ANKRD36B: variants seen among roughly 807,000 people sequenced by gnomAD.
The protein encoded by ANKRD36B is ankyrin repeat domain-containing protein 36B.
Under a neutral mutation model 135.7 loss-of-function variants are expected in ANKRD36B, and 37 were observed. The ratio of observed to expected loss-of-function variants is 0.27; its 90% CI spans 0.21 to 0.36. ANKRD36B has a LOEUF of 0.36. Among genes scored for constraint, ANKRD36B ranks in the 10% least tolerant of loss-of-function variants. The pLI is 1.00. For missense variants in ANKRD36B, 549 were observed against 1,037.1 expected (o/e 0.53, Z 6.46); for synonymous variants, 179 against 348.1 (o/e 0.51, Z 5.41).
chr2:97,561,724 G>T (rs3970396), intron 6 of ANKRD36B, among the ~76,000 whole-genome samples: 9 of 151,340 alleles, frequency 5.9e-5, no homozygotes, highest in South Asian at 2.1e-4. Flanking sequence ...TCTGGTTAAA[G>T]TATCATGTTA....
rs112628069 is a variant in ANKRD36B at position 97,526,591 on chromosome 2, T to A, written c.2266-3124A>T. 3.1e-5 allele frequency among the ~76,000 whole-genome samples: 3 copies of A among 96,872 alleles called. 1 individual carries two copies. The highest frequency in any genetic ancestry group is 8.3e-5 in the Non-Finnish European group (3 of 36,280). 63.6% of individuals were successfully genotyped at this position (96,872 alleles called of 152,430 possible). A position where few individuals can be genotyped will look rare whatever the true frequency, so the allele number is the denominator to read the frequency against. ...CAAGTTGAGAGAAGAAGGCTTCAGA[T>A]GATCAAACTACTCTGAGCTACAGGA... is the stretch of plus-strand genomic sequence containing the variant. On this transcript the variant is annotated intron_variant, in intron 35 of 43. Coordinates refer to ENST00000359901, the MANE Select transcript of ANKRD36B (RefSeq NM_001393939.1).
At chr2:97,558,774 C>T (rs775989985) in intron 10 of ANKRD36B, 25 bp downstream of exon 10, 12 of 1,610,368 alleles carry the variant, frequency 7.5e-6, no homozygotes, top group East Asian at 2.2e-5. Flanking sequence ...CTGAACATGA[C>T]ATTAAATGTG....
chr2:97,547,336 G>T (rs2079562292), intron 22 of ANKRD36B, 200 bp downstream of exon 22: 3 of 591,218 alleles, frequency 5.1e-6, no homozygotes, highest in Admixed American at 3.4e-5. Flanking sequence ...TCAATGTGGG[G>T]AAGTGTATAA....
chr2:97,574,697 A>G (rs1487957874), intron 6 of ANKRD36B, among the ~76,000 whole-genome samples: 1 of 152,198 alleles, frequency 6.6e-6, no homozygotes, highest in African/African-American at 2.4e-5. Flanking sequence ...AGGTGGTTCC[A>G]GTTACTGCTG....
At chr2:97,558,250 A>G (rs888209305) in intron 10 of ANKRD36B, among the ~76,000 whole-genome samples, 21 of 152,066 alleles carry the variant, frequency 1.4e-4, no homozygotes, top group Non-Finnish European at 2.8e-4. Flanking sequence ...AGCTTCTTTT[A>G]CAAAAATGTT....
intron 6 of ANKRD36B, among the ~76,000 whole-genome samples, chr2:97,563,582 GT>G (rs2081210123): frequency 6.6e-6 from 1 of 152,036 alleles, no homozygotes. Context: ...GATCTGAGTA[GT>G]TTAGAGTTTA....
At chr2:97,564,649 G>C (rs547983033) in intron 6 of ANKRD36B, among the ~76,000 whole-genome samples, 23 of 152,110 alleles carry the variant, frequency 1.5e-4, no homozygotes, top group East Asian at 5.8e-4. Context: ...TTTCCCCATT[G>C]CTTTTGTCAG....
At chr2:97,556,259 T>C (rs1171049210) in intron 12 of ANKRD36B, among the ~76,000 whole-genome samples, 3 of 151,932 alleles carry the variant, frequency 2.0e-5, no homozygotes, top group African/African-American at 7.2e-5. Flanking sequence ...ATATGTCTGA[T>C]GTCTGATACT....
chr2:97,558,513 A>G (rs1270660941), intron 10 of ANKRD36B, among the ~76,000 whole-genome samples: 1 of 151,904 alleles, frequency 6.6e-6, no homozygotes, highest in Non-Finnish European at 1.5e-5. Context: ...CTTGGTGAAA[A>G]CATGCTGTAG....
At position 97,556,921 on chromosome 2, in the gene ANKRD36B, T is replaced by C. The variant is rs746387383; in HGVS notation, c.1069+16A>G. On this transcript the variant is annotated intron_variant, in intron 12 of 43. Transcript: ENST00000359901. ...TCTTGAGTGCACATGACATTAAATG[T>C]GTATTGCCAAATTACCTGTTCCAGA... 5.7e-6 allele frequency: 9 copies of C among 1,576,416 alleles called. No individual in the cohort carries two copies. The highest frequency in any genetic ancestry group is 6.9e-6 in the Non-Finnish European group (8 of 1,160,812).
Position 97,582,738 on chromosome 2 carries a change from TG to T in ANKRD36B, c.451-2171del, listed in dbSNP as rs143226794. Among the ~76,000 whole-genome samples the T allele has an allele frequency of 6.6e-3, 1,007 of 152,320 alleles. 50 individuals are homozygous for T. In the East Asian group the frequency reaches 0.11, roughly 16 times the overall value. ...ATTGTATGTAAAGCAAGTATTTTCA[TG>T]TAAAATACTTCCTTTCTTTAGTTTC... On this transcript the variant is annotated intron_variant, in intron 3 of 43. Coordinates refer to ENST00000359901, the MANE Select transcript of ANKRD36B (RefSeq NM_001393939.1).
rs748321795 is a variant in ANKRD36B at position 97,558,871 on chromosome 2, C to T, written c.895G>A (p.Ala299Thr). ...VSSQKQPAEK[A>T]TSDEKDSVSN... is the part of the protein sequence containing the mutation. ...ACAGAATCTTTCTCGTCACTTGTAG[C>T]CTGAATGGGATTTGAAACAAAATAA... is the stretch of plus-strand genomic sequence containing the variant. Residue 299 changes from alanine (A) to threonine (T), a missense_variant and splice_region_variant, in exon 10 of 44, where the codon GCT becomes ACT. Coordinates refer to ENST00000359901, the MANE Select transcript of ANKRD36B (RefSeq NM_001393939.1). The T allele has an allele frequency of 1.2e-6, 2 of 1,611,006 alleles. No homozygotes were observed. The highest frequency in any genetic ancestry group is 1.7e-6 in the Non-Finnish European group (2 of 1,178,794).
chr2:97,559,025 A>G (rs1299943637), intron 8 of ANKRD36B, 31 bp from the exon 9 acceptor site: 1 of 1,602,276 alleles, frequency 6.2e-7, no homozygotes, highest in African/African-American at 1.3e-5. Flanking sequence ...ATAATCACTC[A>G]CATGTACATA....
intron 22 of ANKRD36B, among the ~76,000 whole-genome samples, chr2:97,546,881 G>C (rs1327846184): frequency 4.0e-5 from 6 of 151,590 alleles, no homozygotes; most frequent in Non-Finnish European, 7.4e-5. Context: ...TAGTAACAAA[G>C]AGGAGTAATG....
In ANKRD36B at chr2:97,527,472, G is replaced by A. The variant is rs1457800670; in HGVS notation, c.2266-4005C>T. 3.2e-5 allele frequency among the ~76,000 whole-genome samples: 3 copies of A among 93,942 alleles called. 1 individual carries two copies. The highest frequency in any genetic ancestry group is 2.5e-4 in the South Asian group (1 of 4,064). The allele number at this position is 93,942 out of a possible 152,430, so 61.6% of individuals were successfully genotyped here. On this transcript the variant is annotated intron_variant, in intron 35 of 43. Coordinates refer to ENST00000359901, the MANE Select transcript of ANKRD36B (RefSeq NM_001393939.1). ...ATCATGACAAAATATAAAGACCATC[G>A]AGACTAGGAAGAAACTGCATTAACT...
chr2:97,552,827 T>A (rs2104678238), intron 16 of ANKRD36B, among the ~76,000 whole-genome samples: 1 of 152,054 alleles, frequency 6.6e-6, no homozygotes, highest in East Asian at 1.9e-4. Context: ...AAATCTATAC[T>A]TCCTCTCTTT....
intron 34 of ANKRD36B, among the ~76,000 whole-genome samples, chr2:97,533,463 A>G (rs2078705046): frequency 2.1e-5 from 2 of 96,728 alleles, no homozygotes; most frequent in African/African-American, 6.2e-5. Context: ...GCAATACTTC[A>G]GATTCAATTA....
chr2:97,556,970 T>C lies in ANKRD36B; in HGVS notation c.1036A>G (p.Thr346Ala), dbSNP rs1405089878. The change falls in exon 12 of 44, where the codon ACA becomes GCA. Residue 346 changes from threonine (T) to alanine (A), a missense_variant. Thr to Ala is a moderately conservative substitution (Grantham distance 58). Transcript: ENST00000359901. The part of the protein sequence containing the change: ...KKKVSLLNIA[T>A]RIMGGGKSGT... ...GATTTCCCACCGCCCATTATTCTTG[T>C]GGCAATATTCAAAAGAGAAACTTTC... is the stretch of plus-strand genomic sequence containing the variant. The C allele has an allele frequency of 3.1e-6, 5 of 1,588,932 alleles. No individual in the cohort carries two copies. In the East Asian group the frequency reaches 1.1e-4, roughly 36 times the overall value.
intron 6 of ANKRD36B, among the ~76,000 whole-genome samples, chr2:97,563,948 A>G (rs2081241114): frequency 6.6e-6 from 1 of 151,868 alleles, no homozygotes. Context: ...TCATTAGATC[A>G]TACAATAAAT....
Sources: gnomAD v4.1 joint callset for allele counts (sites outside exome capture counted in the v4.1 genomes callset) on GRCh38, gnomAD v4.1.1 for gene constraint, MANE v1.5 for transcripts, NCBI Gene and HGNC (gene_info 2026-07-23, HGNC 2026-07-21) for gene names.